TDP1: variants seen among roughly 807,000 people sequenced by gnomAD.
TDP1 encodes tyr-DNA phosphodiesterase 1.
Under a neutral mutation model 81.5 loss-of-function variants are expected in TDP1, and 64 were observed. The observed-to-expected ratio is 0.79, with a 90% CI of 0.64 to 0.97. The LOEUF (loss-of-function observed/expected upper bound fraction) is 0.97. TDP1 is among the 50% of genes least tolerant of loss of function. The pLI, the probability that TDP1 is intolerant of heterozygous loss-of-function variation, is 0.00. For missense variants in TDP1, 723 were observed against 743.8 expected, an observed-to-expected ratio of 0.97 and a Z score of 0.33; for synonymous variants, 256 against 264.3, an observed-to-expected ratio of 0.97 and a Z score of 0.30.
At chr14:90,015,828 A>G (rs1304801597) in intron 14 of TDP1, among the ~76,000 whole-genome samples, 1 of 152,138 alleles carries the variant, frequency 6.6e-6, no homozygotes, top group Non-Finnish European at 1.5e-5. Context: ...ATTTCAACAT[A>G]TGAATTCTGG....
chr14:89,980,430 T>C (rs1476961247), intron 7 of TDP1, 110 bp from the exon 8 acceptor site: 2 of 1,407,520 alleles, frequency 1.4e-6, no homozygotes, highest in Non-Finnish European at 2.0e-6. Context: ...GTTTGGGTAA[T>C]ATGAGAGTTT....
At chr14:89,976,729 G>A (rs1894385981) in intron 7 of TDP1, among the ~76,000 whole-genome samples, 1 of 151,456 alleles carries the variant, frequency 6.6e-6, no homozygotes, top group Non-Finnish European at 1.5e-5. Flanking sequence ...TAGAGACGGG[G>A]TTTCACCATG....
chr14:89,981,991 G>A (rs1895027336), intron 8 of TDP1, among the ~76,000 whole-genome samples: 1 of 152,096 alleles, frequency 6.6e-6, no homozygotes. Flanking sequence ...AGCTGAAATA[G>A]CTTTCCAGTT....
At chr14:89,983,896 G>A (rs1331470582) in intron 8 of TDP1, among the ~76,000 whole-genome samples, 1 of 152,190 alleles carries the variant, frequency 6.6e-6, no homozygotes, top group African/African-American at 2.4e-5. Context: ...AAAGTTTGAG[G>A]TTATTGTAAT....
At chr14:89,956,994 C>A (rs1181772879) in intron 2 of TDP1, 194 bp downstream of exon 2, 1 of 152,236 alleles carries the variant, frequency 6.6e-6, no homozygotes, top group Non-Finnish European at 1.5e-5. Flanking sequence ...CAAGTCTTCT[C>A]CCCTCACCCG....
chr14:90,042,939 C>G, intron 16 of TDP1, 131 bp from the exon 17 acceptor site: 3 of 1,548,364 alleles, frequency 1.9e-6, no homozygotes, highest in African/African-American at 1.4e-5. Context: ...GGAGAATCTT[C>G]TGGGCTTGGT....
chr14:89,963,298 C>T lies in TDP1; in HGVS notation c.184C>T (p.Pro62Ser). The T allele has an allele frequency of 6.2e-7, 1 of 1,614,148 alleles. No homozygotes were observed. The highest frequency in any genetic ancestry group is 8.5e-7 in the Non-Finnish European group (1 of 1,180,030). Reference protein sequence around the residue: ...QKAAHKRKISPVKFSNTDSVL... With the variant: ...QKAAHKRKISSVKFSNTDSVL... ...AGCTGCACACAAGAGGAAAATATCA[C>T]CTGTGAAATTCAGCAATACAGATTC... The change falls in exon 3 of 17, where the codon CCT (proline) becomes TCT (serine). Residue 62 changes from proline to serine, a missense_variant. Transcript: ENST00000335725.
chr14:89,961,632 T>G (rs1452268347), intron 2 of TDP1, among the ~76,000 whole-genome samples: 1 of 152,208 alleles, frequency 6.6e-6, no homozygotes, highest in Non-Finnish European at 1.5e-5. Context: ...CAGGCATGTC[T>G]GAGCTCCCAT....
chr14:89,980,975 A>G (rs748567934), intron 8 of TDP1, among the ~76,000 whole-genome samples: 4 of 152,210 alleles, frequency 2.6e-5, no homozygotes, highest in African/African-American at 4.8e-5. Flanking sequence ...CAGCACATGC[A>G]GAGATCTGAG....
intron 14 of TDP1, among the ~76,000 whole-genome samples, chr14:90,013,785 C>T (rs956342284): frequency 6.6e-6 from 1 of 152,188 alleles, no homozygotes; most frequent in African/African-American, 2.4e-5. Context: ...CCATACTGTT[C>T]TCATGGTACT....
chr14:89,964,687 C>T (rs1892726694), intron 3 of TDP1, among the ~76,000 whole-genome samples: 1 of 152,190 alleles, frequency 6.6e-6, no homozygotes, highest in South Asian at 2.1e-4. Context: ...AATCTCTTAT[C>T]TTGGTACTTT....
In TDP1 at chr14:89,961,656, G is replaced by A. The variant is rs905142528; in HGVS notation, c.-7-1452G>A. 2.8e-4 allele frequency among the ~76,000 whole-genome samples: 43 copies of A among 152,232 alleles called. 1 individual carries two copies. Among genetic ancestry groups the A allele is most frequent in the South Asian group, 2.1e-4 (1 of 4,808 alleles). On this transcript the variant is annotated intron_variant, in intron 2 of 16. Coordinates refer to ENST00000335725, the MANE Select transcript of TDP1 (RefSeq NM_018319.4). ...CTGAGCTCCCATCTCATCATGGCCCGGAACTCAGTTTTTAAGGTTTCTCTG... is the reference window on the plus strand; with the variant it reads ...CTGAGCTCCCATCTCATCATGGCCCAGAACTCAGTTTTTAAGGTTTCTCTG...
At chr14:90,011,279 A>T (rs556427561) in intron 14 of TDP1, among the ~76,000 whole-genome samples, 3 of 152,202 alleles carry the variant, frequency 2.0e-5, no homozygotes, top group African/African-American at 7.2e-5. Flanking sequence ...ACAGACTGTT[A>T]TAGTAAATTG....
chr14:89,965,489 A>G (rs928799255), intron 3 of TDP1, among the ~76,000 whole-genome samples: 2 of 152,200 alleles, frequency 1.3e-5, no homozygotes, highest in Non-Finnish European at 2.9e-5. Flanking sequence ...CCTGGCATCT[A>G]ACAGGTCTCC....
Position 90,033,158 on chromosome 14 carries a change from C to T in TDP1, c.1697C>T (p.Pro566Leu), listed in dbSNP as rs767298655. 6 of 1,613,516 alleles carry T rather than the reference C, an allele frequency of 3.7e-6. No individual in the cohort carries two copies. In the East Asian group the frequency reaches 1.3e-4, roughly 36 times the overall value. Residue 566 changes from proline (P) to leucine (L), a missense_variant, in exon 16 of 17, where the codon CCA (proline) becomes CTA (leucine). Physicochemically the swap from Pro to Leu is moderately conservative, Grantham distance 98 (BLOSUM62 -3). Coordinates refer to ENST00000335725, the MANE Select transcript of TDP1 (RefSeq NM_018319.4). The part of the protein sequence containing the change: ...KQKFFAGSQE[P>L]MATFPVPYDL... ...AAGTTCTTCGCTGGCAGCCAGGAGC[C>T]AATGGCCACCTTTCCTGTGCCATAT...
Position 89,963,427 on chromosome 14 carries a change from G to C in TDP1, c.313G>C (p.Ala105Pro), listed in dbSNP as rs1473315152. Reference protein sequence around the residue: ...ELQPEMPQKQAEKVVIKKEKD... With the variant: ...ELQPEMPQKQPEKVVIKKEKD... ...GCAACCAGAAATGCCGCAGAAGCAGGCTGAGAAAGTGGTGATCAAAAAGGA... is the reference window on the plus strand; with the variant it reads ...GCAACCAGAAATGCCGCAGAAGCAGCCTGAGAAAGTGGTGATCAAAAAGGA... The change falls in exon 3 of 17, where the codon GCT (alanine) becomes CCT (proline). Residue 105 changes from alanine (A) to proline (P), a missense_variant. Coordinates refer to ENST00000335725, the MANE Select transcript of TDP1 (RefSeq NM_018319.4). 1 of 1,613,904 alleles carries C rather than the reference G, an allele frequency of 6.2e-7. No individual in the cohort carries two copies. Among genetic ancestry groups the C allele is most frequent in the South Asian group, 1.1e-5 (1 of 91,086 alleles).
intron 16 of TDP1, among the ~76,000 whole-genome samples, chr14:90,041,548 G>C (rs1272696162): frequency 1.3e-5 from 2 of 152,202 alleles, no homozygotes; most frequent in East Asian, 3.8e-4. Context: ...TTGTTTGTCA[G>C]ACCTTCCTGT....
At chr14:90,007,173 G>C (rs1475380633) in intron 14 of TDP1, among the ~76,000 whole-genome samples, 4 of 152,082 alleles carry the variant, frequency 2.6e-5, no homozygotes, top group Non-Finnish European at 5.9e-5. Context: ...TTCCTGAACT[G>C]TATCTTTTAT....
At chr14:90,009,676 G>A (rs1476926281) in intron 14 of TDP1, among the ~76,000 whole-genome samples, 1 of 152,198 alleles carries the variant, frequency 6.6e-6, no homozygotes, top group Non-Finnish European at 1.5e-5. Flanking sequence ...TATTAAGGAA[G>A]AAGTAAAACT....
Sources: allele counts gnomAD v4.1 joint callset (sites outside exome capture counted in the v4.1 genomes callset), GRCh38; gene constraint gnomAD v4.1.1; transcripts MANE v1.5; gene names NCBI Gene and HGNC (gene_info 2026-07-23, HGNC 2026-07-21).